Variants in TBC1D31 observed in about 807,000 individuals in gnomAD.
The protein encoded by TBC1D31 is WD repeat domain 67.
A neutral mutation model predicts 132.9 loss-of-function variants in TBC1D31; 99 were observed. The observed-to-expected ratio is 0.74, with a 90% CI of 0.63 to 0.88. The LOEUF (loss-of-function observed/expected upper bound fraction) is 0.88, where lower values mean the gene tolerates loss of function less well. Among genes scored for constraint, TBC1D31 ranks in the 40% least tolerant of loss-of-function variants. The pLI is 0.00. For missense variants in TBC1D31, 1,134 were observed against 1,256.6 expected, an observed-to-expected ratio of 0.90 and a Z score of 1.48; for synonymous variants, 385 against 419.4, an observed-to-expected ratio of 0.92 and a Z score of 1.00.
chr8:123,145,682 C>T (rs574310478), intron 20 of TBC1D31, among the ~76,000 whole-genome samples: 10 of 145,586 alleles, frequency 6.9e-5, no homozygotes, highest in Admixed American at 2.8e-4. Context: ...CAGAGAAGAC[C>T]CTGTCTCTTT....
chr8:123,101,266 CAA>C (rs1454143103), intron 7 of TBC1D31, among the ~76,000 whole-genome samples: 1 of 152,118 alleles, frequency 6.6e-6, no homozygotes, highest in African/African-American at 2.4e-5. Flanking sequence ...ATCTCGTTCC[CAA>C]AAGAGTTCTT....
At chr8:123,123,987 A>G (rs571147921) in intron 11 of TBC1D31, among the ~76,000 whole-genome samples, 1 of 152,172 alleles carries the variant, frequency 6.6e-6, no homozygotes, top group East Asian at 1.9e-4. Context: ...GAATGGGGAT[A>G]GTAGTTTTTC....
chr8:123,158,631 G>C, the TBC1D31 span, among the ~76,000 whole-genome samples: 1 of 152,152 alleles, frequency 6.6e-6, no homozygotes, highest in Non-Finnish European at 1.5e-5. Context: ...GTGGAATTTT[G>C]TTAATCACCT....
chr8:123,163,941 G>A, the TBC1D31 span, among the ~76,000 whole-genome samples: 14 of 152,154 alleles, frequency 9.2e-5, no homozygotes, highest in Non-Finnish European at 2.1e-4. Context: ...GAAACTCTGT[G>A]CTCATTAAGC....
chr8:123,093,864 A>C (rs900387231), intron 5 of TBC1D31, 122 bp downstream of exon 5: 2 of 644,916 alleles, frequency 3.1e-6, no homozygotes, highest in Middle Eastern at 4.7e-4. Context: ...TTACCTTCAA[A>C]TTTAGATATG....
chr8:123,142,884 A>G lies in TBC1D31; in HGVS notation c.2835+428A>G, dbSNP rs148677720. Among the ~76,000 whole-genome samples the G allele has an allele frequency of 4.5e-3, 681 of 152,314 alleles. 24 individuals carry two copies. Among genetic ancestry groups the G allele is most frequent in the Admixed American group, 0.04 (614 of 15,294 alleles). On this transcript the variant is annotated intron_variant, in intron 19 of 21. Coordinates refer to ENST00000287380, the MANE Select transcript of TBC1D31 (RefSeq NM_145647.4). ...TTAATTTAGCTAATTCTTTATACTT[A>G]CAATGTAAAAGATGCTGAATAGGTA...
intron 11 of TBC1D31, among the ~76,000 whole-genome samples, chr8:123,125,798 A>G (rs778495958): frequency 3.3e-5 from 5 of 152,200 alleles, no homozygotes; most frequent in Non-Finnish European, 7.3e-5. Flanking sequence ...CATCAGGAGT[A>G]CTTTGGGAAG....
chr8:123,148,147 AC>A (rs1450019004), intron 20 of TBC1D31, among the ~76,000 whole-genome samples: 3 of 151,872 alleles, frequency 2.0e-5, no homozygotes, highest in Non-Finnish European at 4.4e-5. Context: ...AAAAATACAA[AC>A]CTATATGTGT....
chr8:123,139,796 T>C (rs555108021), intron 17 of TBC1D31, among the ~76,000 whole-genome samples: 3 of 152,322 alleles, frequency 2.0e-5, no homozygotes, highest in African/African-American at 7.2e-5. Flanking sequence ...CTTAGCCTAT[T>C]GGTTGCTCTT....
In TBC1D31 at chr8:123,086,283, G is replaced by A. The variant is rs572613188; in HGVS notation, c.519+1943G>A. On this transcript the variant is annotated intron_variant, in intron 4 of 21. Transcript: ENST00000287380. ...TTCAATTGTGATAATAGTTACTGAA[G>A]CATTTACTATGCTTCAGGCATTGTA... 7.5e-4 allele frequency among the ~76,000 whole-genome samples: 114 copies of A among 152,266 alleles called. No individual in the cohort carries two copies. In the South Asian group the frequency reaches 0.022, roughly 30 times the overall value.
In TBC1D31 at chr8:123,072,838, G is replaced by C; in HGVS notation, c.69G>C (p.Thr23=). The change falls in exon 1 of 22, where the codon ACG becomes ACC. Residue 23 remains threonine (T), a synonymous_variant. Transcript: ENST00000287380. ...GGCACCGCAAGCCGTCCCCGGCCAC[G>C]CGGGACGGGTAAAGGCCGTGGCGGG... is the stretch of plus-strand genomic sequence containing the variant. The part of the protein sequence containing the change: ...KIWHRKPSPA[T]RDGIIVNIIH... 2 of 1,567,278 alleles carry C rather than the reference G, an allele frequency of 1.3e-6. No individual in the cohort carries two copies. Among genetic ancestry groups the C allele is most frequent in the Non-Finnish European group, 1.7e-6 (2 of 1,156,264 alleles).
intron 13 of TBC1D31, among the ~76,000 whole-genome samples, chr8:123,127,685 G>GT (rs1820204027): frequency 6.6e-6 from 1 of 152,102 alleles, no homozygotes; most frequent in Admixed American, 6.6e-5. Context: ...CATGCAAAAG[G>GT]TAACTATGAG....
chr8:123,097,528 A>G, intron 6 of TBC1D31, 87 bp downstream of exon 6: 1 of 1,361,486 alleles, frequency 7.3e-7, no homozygotes, highest in Non-Finnish European at 1.0e-6. Flanking sequence ...TATTTAACTT[A>G]CACCCTGGCT....
intron 4 of TBC1D31, among the ~76,000 whole-genome samples, chr8:123,092,100 C>T (rs1816383907): frequency 6.6e-6 from 1 of 152,118 alleles, no homozygotes; most frequent in Non-Finnish European, 1.5e-5. Flanking sequence ...TTGCAACCTC[C>T]ACCCTCCAGG....
chr8:123,093,791 G>T (rs1482800289), intron 5 of TBC1D31, 49 bp downstream of exon 5: 2 of 1,269,644 alleles, frequency 1.6e-6, no homozygotes, highest in East Asian at 2.7e-5. Flanking sequence ...TTTAATTTCT[G>T]GTAAAAAATT....
intron 10 of TBC1D31, among the ~76,000 whole-genome samples, chr8:123,110,260 A>G (rs1268382295): frequency 1.3e-5 from 2 of 152,238 alleles, no homozygotes; most frequent in East Asian, 3.8e-4. Flanking sequence ...CACCAACATC[A>G]TAAGACTATT....
chr8:123,077,914 G>A (rs1373717015), intron 2 of TBC1D31, among the ~76,000 whole-genome samples: 1 of 152,012 alleles, frequency 6.6e-6, no homozygotes, highest in Non-Finnish European at 1.5e-5. Flanking sequence ...TGGGTGTGGA[G>A]GTGCACGCCT....
Position 123,079,293 on chromosome 8 carries a change from G to A in TBC1D31, c.224+2036G>A, listed in dbSNP as rs529515667. 4.6e-5 allele frequency among the ~76,000 whole-genome samples: 7 copies of A among 152,324 alleles called. No homozygotes were observed. The East Asian group carries it at 1.3e-3, about 29-fold the overall frequency. On this transcript the variant is annotated intron_variant, in intron 2 of 21. Coordinates refer to ENST00000287380, the MANE Select transcript of TBC1D31 (RefSeq NM_145647.4). ...GATTAGATGGTGGTAATGTATAAAT[G>A]TAATTTATTGGTGCTGATGGTTATA... is the stretch of plus-strand genomic sequence containing the variant.
rs767833086 is a variant in TBC1D31 at position 123,105,373 on chromosome 8, G to A, written c.1118G>A (p.Gly373Glu). The change falls in exon 8 of 22, where the codon GGG (glycine) becomes GAG (glutamate). Residue 373 changes from glycine (G) to glutamate (E), a missense_variant. Physicochemically the swap from Gly to Glu is moderately conservative, Grantham distance 98. Coordinates refer to ENST00000287380, the MANE Select transcript of TBC1D31 (RefSeq NM_145647.4). ...GATCTTAAGATGAAAGTAACATCAG[G>A]GAGAGTACAGCAGCCAGCAAAATCT... ...SSDLKMKVTS[G>E]RVQQPAKSRE... 1 of 1,612,614 alleles carries A rather than the reference G, an allele frequency of 6.2e-7. No individual in the cohort carries two copies. Among genetic ancestry groups the A allele is most frequent in the Admixed American group, 1.7e-5 (1 of 59,902 alleles).
Sources: allele counts gnomAD v4.1 joint callset (sites outside exome capture counted in the v4.1 genomes callset), GRCh38; gene constraint gnomAD v4.1.1; transcripts MANE v1.5; gene names NCBI Gene and HGNC (gene_info 2026-07-23, HGNC 2026-07-21).